Variants in VAPA observed in about 807,000 individuals in gnomAD.
VAPA encodes the protein VAMP associated protein A, also known as vesicle-associated membrane protein-associated protein A.
In VAPA, 6 loss-of-function variants were observed where a neutral mutation model predicts 25.6. That is an observed-to-expected ratio of 0.23 (90% CI 0.13 to 0.46). VAPA has a LOEUF of 0.46. Among genes scored for constraint, VAPA ranks in the 20% least tolerant of loss-of-function variants. The pLI is 0.99. For synonymous variants in VAPA, 112 were observed against 106.2 expected (o/e 1.05, Z -0.34); for missense variants, 244 against 302.1 (o/e 0.81, Z 1.43).
At chr18:9,940,961 T>G (rs1205333924) in intron 4 of VAPA, among the ~76,000 whole-genome samples, 1 of 152,226 alleles carries the variant, frequency 6.6e-6, no homozygotes, top group Non-Finnish European at 1.5e-5. Flanking sequence ...AATTGTGTTT[T>G]TATAAGGCAG....
At chr18:9,916,115 A>G (rs1256768046) in intron 1 of VAPA, among the ~76,000 whole-genome samples, 5 of 152,218 alleles carry the variant, frequency 3.3e-5, no homozygotes, top group Admixed American at 6.5e-5. Flanking sequence ...AGGCCAGGAA[A>G]TGTCCACAGA....
chr18:9,948,283 A>G (rs1244810540), intron 4 of VAPA: 3 of 152,166 alleles, frequency 2.0e-5, no homozygotes, highest in Non-Finnish European at 2.9e-5. Flanking sequence ...CTTCCTATGG[A>G]CATGTTATTT....
chr18:9,914,308 G>C lies in VAPA; in HGVS notation c.52G>C (p.Asp18His), dbSNP rs1467302173. The C allele has an allele frequency of 1.9e-6, 3 of 1,588,612 alleles. No individual in the cohort carries two copies. The highest frequency in any genetic ancestry group is 2.6e-6 in the Non-Finnish European group (3 of 1,168,970). Residue 18 changes from aspartate (D) to histidine (H), a missense_variant, in exon 1 of 6, where the codon GAT (aspartate) becomes CAT (histidine). Physicochemically the swap from Asp to His is moderately conservative, Grantham distance 81. This residue lies in a region of VAPA where 99 missense variants were observed against 161.6 expected (regional missense o/e 0.61). Coordinates refer to ENST00000400000, the MANE Select transcript of VAPA (RefSeq NM_194434.3). Reference protein sequence around the residue: ...MAKHEQILVLDPPTDLKFKGP... With the variant: ...MAKHEQILVLHPPTDLKFKGP... ...GAAGCACGAGCAGATCCTGGTCCTC[G>C]ATCCGCCCACAGACCTCAAATTCAA...
chr18:9,946,174 T>C (rs1377590090), intron 4 of VAPA, among the ~76,000 whole-genome samples: 1 of 152,220 alleles, frequency 6.6e-6, no homozygotes, highest in Non-Finnish European at 1.5e-5. Context: ...AGAAGTACAG[T>C]CATGCATCTG....
At position 9,954,374 on chromosome 18, in the gene VAPA, C is replaced by A. The variant is rs1419169364; in HGVS notation, c.*163C>A. 3.2e-6 allele frequency: 2 copies of A among 622,370 alleles called. No individual in the cohort carries two copies. Among genetic ancestry groups the A allele is most frequent in the Non-Finnish European group, 5.5e-6 (2 of 366,604 alleles). 38.6% of individuals were successfully genotyped at this position (622,370 alleles called of 1,614,324 possible). A position where few individuals can be genotyped will look rare whatever the true frequency, so the allele number is the denominator to read the frequency against. ...TTAATGATCTCTTACGGTTAGAAAA[C>A]ACAATAAAAACAAACTGTTCGGCTA... On this transcript the variant is annotated 3_prime_UTR_variant, in exon 6 of 6. Coordinates refer to ENST00000400000, the MANE Select transcript of VAPA (RefSeq NM_194434.3).
intron 5 of VAPA, among the ~76,000 whole-genome samples, chr18:9,953,402 A>C (rs1190739036): frequency 6.6e-6 from 1 of 152,224 alleles, no homozygotes; most frequent in African/African-American, 2.4e-5. Context: ...ACCTGGTGCT[A>C]CCACTTTACA....
At chr18:9,946,604 A>G (rs1421139759) in intron 4 of VAPA, among the ~76,000 whole-genome samples, 1 of 151,892 alleles carries the variant, frequency 6.6e-6, no homozygotes, top group Non-Finnish European at 1.5e-5. Flanking sequence ...ATACACAGAA[A>G]AGGCGCAGCA....
chr18:9,916,753 C>T (rs1056260162), intron 1 of VAPA, among the ~76,000 whole-genome samples: 6 of 152,198 alleles, frequency 3.9e-5, no homozygotes, highest in Admixed American at 3.9e-4. Context: ...ATTTAACTGA[C>T]TTACCCTAAG....
chr18:9,923,574 T>C (rs933566662), intron 1 of VAPA, among the ~76,000 whole-genome samples: 2 of 152,326 alleles, frequency 1.3e-5, no homozygotes, highest in Middle Eastern at 6.8e-3. Context: ...TTGAATAATA[T>C]GACATGGAGT....
intron 4 of VAPA, among the ~76,000 whole-genome samples, chr18:9,937,904 T>C (rs2069327677): frequency 6.6e-6 from 1 of 152,238 alleles, no homozygotes; most frequent in Non-Finnish European, 1.5e-5. Context: ...AGTTATTGTG[T>C]TCCTCTTTCA....
At position 9,954,340 on chromosome 18, in the gene VAPA, G is replaced by A. The variant is rs1320045456; in HGVS notation, c.*129G>A. 9 of 785,072 alleles carry A rather than the reference G, an allele frequency of 1.1e-5. No individual in the cohort carries two copies. Among genetic ancestry groups the A allele is most frequent in the Non-Finnish European group, 1.6e-5 (8 of 491,160 alleles). The allele number at this position is 785,072 out of a possible 1,614,324, so 48.6% of individuals were successfully genotyped here. ...TTTTTGTGTGTACAGCGTCATATAG[G>A]CTTTGCCTTTAATGATCTCTTACGG... On this transcript the variant is annotated 3_prime_UTR_variant, in exon 6 of 6. Transcript: ENST00000400000.
At chr18:9,946,470 G>T (rs3960632) in intron 4 of VAPA, among the ~76,000 whole-genome samples, 27,205 of 135,964 alleles carry the variant, frequency 0.2, 2,551 homozygotes, top group South Asian at 0.26. Context: ...GTTTTTTTTT[G>T]TGTGATTTTT....
intron 4 of VAPA, among the ~76,000 whole-genome samples, chr18:9,946,117 A>G (rs1013530151): frequency 2.6e-5 from 4 of 152,202 alleles, no homozygotes; most frequent in Non-Finnish European, 5.9e-5. Context: ...CCCAGTAAAA[A>G]TACTTGGGAT....
intron 1 of VAPA, among the ~76,000 whole-genome samples, chr18:9,916,943 G>A (rs2069116630): frequency 6.6e-6 from 1 of 152,176 alleles, no homozygotes; most frequent in African/African-American, 2.4e-5. Context: ...CAAGCATCTT[G>A]AAGATGAATT....
chr18:9,931,517 G>A (rs140680353), intron 1 of VAPA, among the ~76,000 whole-genome samples: 76 of 152,264 alleles, frequency 5.0e-4, no homozygotes, highest in African/African-American at 1.8e-3. Flanking sequence ...ACAACATACT[G>A]TAAAAATACA....
At chr18:9,950,647 T>C in intron 5 of VAPA, 79 bp downstream of exon 5, 1 of 1,495,176 alleles carries the variant, frequency 6.7e-7, no homozygotes, top group Non-Finnish European at 9.0e-7. Flanking sequence ...ATTTTAGCAA[T>C]TAGCTTTTAA....
At chr18:9,939,450 T>A (rs888246530) in intron 4 of VAPA, among the ~76,000 whole-genome samples, 1 of 151,960 alleles carries the variant, frequency 6.6e-6, no homozygotes, top group Non-Finnish European at 1.5e-5. Flanking sequence ...CCACCCTGCC[T>A]GGCCAAGTCC....
intron 4 of VAPA, among the ~76,000 whole-genome samples, chr18:9,940,425 T>C (rs892426531): frequency 7.9e-5 from 12 of 152,110 alleles, no homozygotes; most frequent in Non-Finnish European, 2.9e-5. Context: ...GTGACAAAAT[T>C]GATTTTTAAT....
intron 2 of VAPA, among the ~76,000 whole-genome samples, chr18:9,935,188 A>G (rs1403162187): frequency 1.3e-5 from 2 of 152,100 alleles, no homozygotes; most frequent in Non-Finnish European, 2.9e-5. Flanking sequence ...TTCCTTGTGT[A>G]CTTTTGTTTT....
Sources: gnomAD v4.1 joint callset for allele counts (sites outside exome capture counted in the v4.1 genomes callset) on GRCh38, gnomAD v4.1.1 for gene constraint, gnomAD v4.1.1 regional missense constraint, MANE v1.5 for transcripts, NCBI Gene and HGNC (gene_info 2026-07-23, HGNC 2026-07-21) for gene names.